PC: variants seen among roughly 807,000 people sequenced by gnomAD.
The protein encoded by PC is pyruvate carboxylase, mitochondrial.
A neutral mutation model predicts 107.8 loss-of-function variants in PC; 46 were observed. The observed-to-expected ratio is 0.43, with a 90% CI of 0.34 to 0.55. The LOEUF (loss-of-function observed/expected upper bound fraction) is 0.55, where lower values mean the gene tolerates loss of function less well. Ranked by LOEUF, PC falls within the 20% of genes least tolerant of loss-of-function variation. The probability of loss-of-function intolerance (pLI) is 0.04; values close to 1 mark genes in which losing one functional copy is unlikely to be tolerated. For missense variants in PC, 1,241 were observed against 1,643.1 expected (o/e 0.76, Z 4.23); for synonymous variants, 662 against 684.7 (o/e 0.97, Z 0.52).
chr11:66,925,211 A>G (rs562156536), intron 3 of PC, among the ~76,000 whole-genome samples: 1 of 152,198 alleles, frequency 6.6e-6, no homozygotes, highest in Non-Finnish European at 1.5e-5. Context: ...TCTTATCAGG[A>G]GACATGGTTT....
chr11:66,904,642 C>A (rs7930947), intron 3 of PC, among the ~76,000 whole-genome samples: 138,874 of 152,228 alleles, frequency 0.91, 63,516 homozygotes, highest in South Asian at 0.96. Context: ...TGTCTCAAAA[C>A]ACACACACAC....
chr11:66,918,603 G>C (rs902022367), intron 3 of PC, among the ~76,000 whole-genome samples: 2 of 151,734 alleles, frequency 1.3e-5, no homozygotes, highest in Non-Finnish European at 2.9e-5. Context: ...GAACTCCTGA[G>C]CTCAAGTAAT....
At chr11:66,903,462 G>A (rs1356569217) in intron 3 of PC, among the ~76,000 whole-genome samples, 1 of 151,674 alleles carries the variant, frequency 6.6e-6, no homozygotes, top group Non-Finnish European at 1.5e-5. Flanking sequence ...TTTTTTGGCT[G>A]GGCGTGGTGG....
At position 66,857,279 on chromosome 11, in the gene PC, C is replaced by G. The variant is rs1332982219; in HGVS notation, c.1369-3896G>C. On this transcript the variant is annotated intron_variant, in intron 12 of 22. Coordinates refer to ENST00000393960, the MANE Select transcript of PC (RefSeq NM_001040716.2). The surrounding 1 kb of genome is among the most constrained non-coding windows in gnomAD (Gnocchi z 7.1). ...TCGCAGGGAGGCCGGCCCGCGCCCC[C>G]TGAGCGACGGACACCAGGTGAGGGG... 1 of 149,546 alleles carries G rather than the reference C, an allele frequency of 6.7e-6. No individual in the cohort carries two copies. Among genetic ancestry groups the G allele is most frequent in the Non-Finnish European group, 1.5e-5 (1 of 66,952 alleles). The allele number at this position is 149,546 out of a possible 1,614,324, so 9.3% of individuals were successfully genotyped here. A position where few individuals can be genotyped will look rare whatever the true frequency, so the allele number is the denominator to read the frequency against.
intron 12 of PC, chr11:66,859,568 C>G: frequency 6.3e-7 from 1 of 1,593,754 alleles, no homozygotes; most frequent in Middle Eastern, 1.7e-4. Flanking sequence ...GCTGGGAGCA[C>G]GGGAGTGGGG....
At chr11:66,908,988 C>T (rs753267924) in intron 3 of PC, among the ~76,000 whole-genome samples, 2 of 152,122 alleles carry the variant, frequency 1.3e-5, no homozygotes, top group Non-Finnish European at 2.9e-5. Flanking sequence ...GGGGGCTACC[C>T]GGAAGGTGAG....
intron 12 of PC, among the ~76,000 whole-genome samples, chr11:66,856,436 C>A (rs1337347314): frequency 6.6e-6 from 1 of 151,916 alleles, no homozygotes; most frequent in Non-Finnish European, 1.5e-5. Flanking sequence ...GGGCGGGGCG[C>A]CTGCCCGGAG....
At chr11:66,919,386 A>G (rs2136087119) in intron 3 of PC, among the ~76,000 whole-genome samples, 1 of 152,360 alleles carries the variant, frequency 6.6e-6, no homozygotes, top group East Asian at 1.9e-4. Context: ...ACCGTACTCC[A>G]GCCTGGGCAA....
rs1236513833 is a variant in PC at position 66,871,089 on chromosome 11, C to A, written c.596G>T (p.Gly199Val). 4.3e-6 allele frequency: 7 copies of A among 1,613,986 alleles called. No homozygotes were observed. The highest frequency in any genetic ancestry group is 5.9e-6 in the Non-Finnish European group (7 of 1,179,960). Reference protein sequence around the residue: ...FPIIFKAAYGGGGRGMRVVHS... With the variant: ...FPIIFKAAYGVGGRGMRVVHS... ...CACCACCCTCATGCCACGCCCTCCA[C>A]CCCCATAGGCCGCCTTGAAGATGAT... The change falls in exon 7 of 23, where the codon GGT becomes GTT. Residue 199 changes from glycine to valine, a missense_variant. Physicochemically the swap from Gly to Val is moderately radical, Grantham distance 109. Coordinates refer to ENST00000393960, the MANE Select transcript of PC (RefSeq NM_001040716.2). This position sits in a 1 kb window ranked among gnomAD's most constrained non-coding sequence, Gnocchi z 7.4.
At position 66,958,371 on chromosome 11, in the gene PC, A is replaced by G. The variant is rs1389983135; in HGVS notation, c.-277T>C. The G allele has an allele frequency of 6.6e-6, 1 of 152,552 alleles. No homozygotes were observed. The highest frequency in any genetic ancestry group is 1.5e-5 in the Non-Finnish European group (1 of 68,328). The allele number at this position is 152,552 out of a possible 1,614,324, so 9.4% of individuals were successfully genotyped here. ...CGCCGCCTCTACCGCTGCTGCCTCC[A>G]CTGACAGAGAACAGCTGCGGTCTCC... On this transcript the variant is annotated 5_prime_UTR_variant, in exon 1 of 23. Coordinates refer to ENST00000393960, the MANE Select transcript of PC (RefSeq NM_001040716.2).
intron 3 of PC, among the ~76,000 whole-genome samples, chr11:66,916,159 C>A (rs1379187471): frequency 6.6e-6 from 1 of 152,246 alleles, no homozygotes; most frequent in African/African-American, 2.4e-5. Flanking sequence ...CTTGGCCCAG[C>A]CCCTGTGGTC....
intron 3 of PC, among the ~76,000 whole-genome samples, chr11:66,914,265 A>G (rs2136077399): frequency 6.6e-6 from 1 of 152,312 alleles, no homozygotes; most frequent in Non-Finnish European, 1.5e-5. Context: ...TAATCCCAGC[A>G]CTTTGGGAGG....
rs768230282 is a variant in PC, at chr11:66,868,865, C to G, written c.1003G>C (p.Val335Leu). 1 of 1,613,384 alleles carries G rather than the reference C, an allele frequency of 6.2e-7. No homozygotes were observed. Among genetic ancestry groups the G allele is most frequent in the Non-Finnish European group, 8.5e-7 (1 of 1,179,582 alleles). Residue 335 changes from valine to leucine, a missense_variant, in exon 10 of 23, where the codon GTC becomes CTC. Physicochemically the swap from Val to Leu is conservative, Grantham distance 32 (BLOSUM62 1). Around this residue, in one of 2 missense-constraint regions of PC, gnomAD observed 1,143 missense variants for 1,551.9 expected, o/e 0.74. Transcript: ENST00000393960. ...VNSRLQVEHT[V>L]TEEITDVDLV... The stretch of plus-strand genomic sequence containing the variant: ...ACTCACTCGGTGATCTCCTCTGTGA[C>G]CGTGTGCTCCACCTGCAGGCGGGAG...
At chr11:66,899,758 A>C (rs1257716582) in intron 3 of PC, among the ~76,000 whole-genome samples, 1 of 152,202 alleles carries the variant, frequency 6.6e-6, no homozygotes, top group African/African-American at 2.4e-5. Flanking sequence ...ACAAAGGTTG[A>C]TTCTGATGAC....
At chr11:66,860,232 C>T (rs551666685) in intron 12 of PC, 35 of 1,539,180 alleles carry the variant, frequency 2.3e-5, no homozygotes, top group African/African-American at 4.1e-5. Flanking sequence ...AAGGGATGAG[C>T]CTCGTGGGGC....
chr11:66,931,719 T>C (rs929519564), intron 3 of PC, among the ~76,000 whole-genome samples: 4 of 151,958 alleles, frequency 2.6e-5, no homozygotes, highest in African/African-American at 9.7e-5. Flanking sequence ...AAACAAACAA[T>C]AGATATATGT....
At chr11:66,894,255 C>A (rs1947672155) in intron 3 of PC, among the ~76,000 whole-genome samples, 1 of 152,150 alleles carries the variant, frequency 6.6e-6, no homozygotes, top group South Asian at 2.1e-4. Flanking sequence ...CTTGTCCCCC[C>A]ATGCCCCAGC....
rs905337764 is a variant in PC, at chr11:66,848,839, G to A, written c.*60C>T. 173 of 1,609,958 alleles carry A rather than the reference G, an allele frequency of 1.1e-4. No individual in the cohort carries two copies. Among genetic ancestry groups the A allele is most frequent in the South Asian group, 2.3e-4 (21 of 90,850 alleles). ...GGGCACTGGCTGGCCTGGGCCTGCCGTGGCAGCACAGCTTCTGTTGAAGGC... is the reference window on the plus strand; with the variant it reads ...GGGCACTGGCTGGCCTGGGCCTGCCATGGCAGCACAGCTTCTGTTGAAGGC... On this transcript the variant is annotated 3_prime_UTR_variant, in exon 23 of 23. Transcript: ENST00000393960.
chr11:66,930,040 T>C (rs1948808546), intron 3 of PC, among the ~76,000 whole-genome samples: 1 of 152,016 alleles, frequency 6.6e-6, no homozygotes, highest in Non-Finnish European at 1.5e-5. Flanking sequence ...AAAGAGATCT[T>C]ACCCCCAGTG....
Sources: allele counts gnomAD v4.1 joint callset (sites outside exome capture counted in the v4.1 genomes callset), GRCh38; gene constraint gnomAD v4.1.1; regional missense constraint gnomAD v4.1.1; non-coding constraint Gnocchi (gnomAD v3.1); transcripts MANE v1.5; gene names NCBI Gene and HGNC (gene_info 2026-07-23, HGNC 2026-07-21).